The following ADCY7 variants were observed in gnomAD, a reference collection of about 807,000 sequenced individuals.
ADCY7 encodes the protein adenylate cyclase type 7.
Under a neutral mutation model 120.6 loss-of-function variants are expected in ADCY7, and 72 were observed. The observed-to-expected ratio is 0.60, with a 90% CI of 0.49 to 0.73. The LOEUF (loss-of-function observed/expected upper bound fraction) is 0.73, where lower values mean the gene tolerates loss of function less well. Ranked by LOEUF, ADCY7 falls within the 30% of genes least tolerant of loss-of-function variation. The probability of loss-of-function intolerance (pLI) is 0.00; values close to 1 mark genes in which losing one functional copy is unlikely to be tolerated. For synonymous variants in ADCY7, 661 were observed against 628.0 expected (o/e 1.05, Z -0.78); for missense variants, 1,227 against 1,486.0 (o/e 0.83, Z 2.87).
chr16:50,298,556 G>A (rs2035506364), intron 7 of ADCY7, among the ~76,000 whole-genome samples: 1 of 152,214 alleles, frequency 6.6e-6, no homozygotes, highest in Non-Finnish European at 1.5e-5. Context: ...GCAGAGATTT[G>A]CATCTATTTT....
At chr16:50,289,378 A>G in intron 2 of ADCY7, 1 of 428,146 alleles carries the variant, frequency 2.3e-6, no homozygotes, top group South Asian at 1.7e-5. Flanking sequence ...GGCACCACCT[A>G]TGTCATTTCC....
chr16:50,313,955 C>T lies in ADCY7; in HGVS notation c.2752-3C>T, dbSNP rs1018715281. The T allele has an allele frequency of 2.5e-5, 41 of 1,611,514 alleles. No homozygotes were observed. The highest frequency in any genetic ancestry group is 4.0e-5 in the African/African-American group (3 of 75,026). On this transcript the variant is annotated splice_polypyrimidine_tract_variant and splice_region_variant and intron_variant, in intron 22 of 25. Coordinates refer to ENST00000673801, the MANE Select transcript of ADCY7 (RefSeq NM_001114.5). ...TGCTTCACCGCTTCCTTCTTGCCTGCAGCTCCTACTGAAGCCCAAGTTCAG... is the reference window on the plus strand; with the variant it reads ...TGCTTCACCGCTTCCTTCTTGCCTGTAGCTCCTACTGAAGCCCAAGTTCAG...
intron 14 of ADCY7, among the ~76,000 whole-genome samples, chr16:50,306,553 C>T (rs952554497): frequency 1.7e-5 from 2 of 117,438 alleles, no homozygotes; most frequent in African/African-American, 3.5e-5. Context: ...TGTGATCCTG[C>T]GATGGTGCCT....
chr16:50,258,445 G>A (rs77066527), intron 1 of ADCY7, among the ~76,000 whole-genome samples: 1,890 of 152,052 alleles, frequency 0.012, 38 homozygotes, highest in African/African-American at 0.044. Context: ...ATTCATAGTT[G>A]TATCCAGAGG....
intron 4 of ADCY7, 104 bp downstream of exon 4, chr16:50,292,001 G>C (rs557687548): frequency 3.8e-6 from 5 of 1,307,234 alleles, no homozygotes; most frequent in Non-Finnish European, 4.1e-6. Context: ...CCCCGGAGCC[G>C]TGTTTGCAGA....
intron 11 of ADCY7, 57 bp from the exon 12 acceptor site, chr16:50,304,868 C>G: frequency 6.2e-7 from 1 of 1,606,888 alleles, no homozygotes; most frequent in Non-Finnish European, 8.5e-7. Flanking sequence ...CCAGCAGTGG[C>G]CTTCAGGGCC....
chr16:50,245,537 C>A (rs192367514), upstream of ADCY7, among the ~76,000 whole-genome samples: 2 of 152,246 alleles, frequency 1.3e-5, no homozygotes, highest in Admixed American at 1.3e-4. Context: ...TGGGGCCCCA[C>A]CCTGGGTTGC....
intron 18 of ADCY7, among the ~76,000 whole-genome samples, chr16:50,310,255 G>A (rs1158284681): frequency 6.6e-6 from 1 of 152,192 alleles, no homozygotes; most frequent in African/African-American, 2.4e-5. Context: ...GCCGGGGGCA[G>A]GCTTGATCCA....
chr16:50,272,770 C>A lies in ADCY7; in HGVS notation c.-269+6090C>A, dbSNP rs373595570. Reference sequence around the variant, plus strand: ...GCTGGTGTAGGCTGGGATGAGACCTCCTTCTGTGTGTGTGCGCATCTGGCT... The same window carrying A: ...GCTGGTGTAGGCTGGGATGAGACCTACTTCTGTGTGTGTGCGCATCTGGCT... On this transcript the variant is annotated intron_variant, in intron 1 of 25. Transcript: ENST00000673801. 2.2e-3 allele frequency among the ~76,000 whole-genome samples: 333 copies of A among 152,192 alleles called. 2 individuals carry two copies. Among genetic ancestry groups the A allele is most frequent in the African/African-American group, 7.3e-3 (304 of 41,544 alleles).
chr16:50,256,322 AT>A (rs2032917725), intron 1 of ADCY7, among the ~76,000 whole-genome samples: 1 of 152,222 alleles, frequency 6.6e-6, no homozygotes, highest in Admixed American at 6.5e-5. Context: ...ATACAAAAAA[AT>A]GTTCAACATT....
rs1436301431 is a variant in ADCY7 at position 50,310,429 on chromosome 16, T to C, written c.2161-258T>C. 5 of 1,533,934 alleles carry C rather than the reference T, an allele frequency of 3.3e-6. No individual in the cohort carries two copies. The African/African-American group carries it at 4.1e-5, about 13-fold the overall frequency. ...TGCATGCACGCTCCGGCCTTGACCTTGACTGTGGTCTGTTGTATCCACAGC... is the reference window on the plus strand; with the variant it reads ...TGCATGCACGCTCCGGCCTTGACCTCGACTGTGGTCTGTTGTATCCACAGC... On this transcript the variant is annotated intron_variant, in intron 18 of 25. Coordinates refer to ENST00000673801, the MANE Select transcript of ADCY7 (RefSeq NM_001114.5).
upstream of ADCY7, among the ~76,000 whole-genome samples, chr16:50,245,593 CA>C (rs2032555326): frequency 6.6e-6 from 1 of 152,146 alleles, no homozygotes; most frequent in Non-Finnish European, 1.5e-5. Flanking sequence ...AGGACACCTA[CA>C]GGGGTGGTCG....
intron 4 of ADCY7, 59 bp downstream of exon 4, chr16:50,291,956 G>C (rs375726060): frequency 1.8e-5 from 28 of 1,515,904 alleles, no homozygotes; most frequent in Admixed American, 8.2e-5. Context: ...AAGGGCAGAT[G>C]GGGGGGCCCC....
intron 10 of ADCY7, 44 bp downstream of exon 10, chr16:50,301,258 C>G (rs1364209196): frequency 1.3e-6 from 2 of 1,545,782 alleles, no homozygotes; most frequent in East Asian, 2.4e-5. Context: ...CCCGGAGGGA[C>G]TGGAGGGGCC....
Position 50,315,559 on chromosome 16 carries a change from A to G in ADCY7, c.*54A>G. On this transcript the variant is annotated 3_prime_UTR_variant, in exon 26 of 26. Coordinates refer to ENST00000673801, the MANE Select transcript of ADCY7 (RefSeq NM_001114.5). ...GGAAGCCAGTCTCCTTCCCTGAAGCAAGCCCAGGAGAAGACTCTCCGCCCC... is the reference window on the plus strand; with the variant it reads ...GGAAGCCAGTCTCCTTCCCTGAAGCGAGCCCAGGAGAAGACTCTCCGCCCC... 2.5e-6 allele frequency: 4 copies of G among 1,588,042 alleles called. No individual in the cohort carries two copies. Among genetic ancestry groups the G allele is most frequent in the Middle Eastern group, 1.7e-4 (1 of 5,794 alleles).
chr16:50,253,951 GTGTCTGTCTATC>G (rs1051590592), intron 1 of ADCY7, among the ~76,000 whole-genome samples: 1 of 152,112 alleles, frequency 6.6e-6, no homozygotes, highest in Admixed American at 6.5e-5. Flanking sequence ...CTTTCTCTGT[GTGTCTGTCTATC>G]TGTCTGTCTC....
chr16:50,277,156 T>TGCATA (rs2033947006), intron 1 of ADCY7, among the ~76,000 whole-genome samples: 1 of 152,226 alleles, frequency 6.6e-6, no homozygotes, highest in Admixed American at 6.5e-5. Context: ...TTTTGACAGC[T>TGCATA]GCATAGTATT....
chr16:50,271,511 C>T (rs2033571341), intron 1 of ADCY7, among the ~76,000 whole-genome samples: 1 of 152,154 alleles, frequency 6.6e-6, no homozygotes, highest in Admixed American at 6.5e-5. Context: ...GGGGTGGGGA[C>T]GGCTGACCTT....
chr16:50,245,899 G>A (rs1474078725), upstream of ADCY7, among the ~76,000 whole-genome samples: 1 of 149,950 alleles, frequency 6.7e-6, no homozygotes, highest in Non-Finnish European at 1.5e-5. Flanking sequence ...GGCGCCCCGA[G>A]CTTGCCCGGC....
Sources: allele counts gnomAD v4.1 joint callset (sites outside exome capture counted in the v4.1 genomes callset), GRCh38; gene constraint gnomAD v4.1.1; transcripts MANE v1.5; gene names NCBI Gene and HGNC (gene_info 2026-07-23, HGNC 2026-07-21).